The following CRACD variants were observed in gnomAD, a reference collection of about 807,000 sequenced individuals.
CRACD encodes the protein capping protein-inhibiting regulator of actin dynamics.
Under a neutral mutation model 106.8 loss-of-function variants are expected in CRACD, and 56 were observed. The observed-to-expected ratio is 0.52, with a 90% CI of 0.42 to 0.66. CRACD has a LOEUF of 0.66. CRACD is among the 30% of genes least tolerant of loss of function. The pLI, the probability that CRACD is intolerant of heterozygous loss-of-function variation, is 0.00. For missense variants in CRACD, 1,730 were observed against 1,623.2 expected, an observed-to-expected ratio of 1.07 and a Z score of -1.13; for synonymous variants, 754 against 670.8, an observed-to-expected ratio of 1.12 and a Z score of -1.92.
chr4:56,140,637 C>T (rs1378886241), intron 1 of CRACD, among the ~76,000 whole-genome samples: 1 of 152,146 alleles, frequency 6.6e-6, no homozygotes, highest in Non-Finnish European at 1.5e-5. Context: ...AACGTGTATT[C>T]ATAGTCTCAG....
At chr4:56,117,648 A>C (rs1193689691) in intron 1 of CRACD, among the ~76,000 whole-genome samples, 1 of 152,226 alleles carries the variant, frequency 6.6e-6, no homozygotes, top group Non-Finnish European at 1.5e-5. Flanking sequence ...AATACCACTG[A>C]ACTGTACCCT....
At chr4:56,110,719 C>G (rs1577968097) in intron 1 of CRACD, among the ~76,000 whole-genome samples, 1 of 152,078 alleles carries the variant, frequency 6.6e-6, no homozygotes. Flanking sequence ...GCCTCAGCCT[C>G]CCGAGTAGCT....
At chr4:56,176,432 T>TTTC (rs1215909684) in intron 1 of CRACD, among the ~76,000 whole-genome samples, 1 of 15,134 alleles carries the variant, frequency 6.6e-5, no homozygotes, top group Non-Finnish European at 1.7e-4. Context: ...TTCCAATTTC[T>TTTC]TTTTTTTTTT....
At chr4:56,130,894 T>C (rs1705309232) in intron 1 of CRACD, among the ~76,000 whole-genome samples, 1 of 152,140 alleles carries the variant, frequency 6.6e-6, no homozygotes, top group African/African-American at 2.4e-5. Context: ...CCTCTCTCCT[T>C]TTTCCTCTGC....
chr4:56,083,549 G>A (rs1445217599), intron 1 of CRACD, among the ~76,000 whole-genome samples: 1 of 151,652 alleles, frequency 6.6e-6, no homozygotes, highest in Non-Finnish European at 1.5e-5. Flanking sequence ...TAAATTTCTT[G>A]ATGTCATAAA....
At chr4:56,106,658 C>T (rs1733956936) in intron 1 of CRACD, among the ~76,000 whole-genome samples, 1 of 152,194 alleles carries the variant, frequency 6.6e-6, no homozygotes, top group African/African-American at 2.4e-5. Flanking sequence ...CTTATCTGAA[C>T]ACTGTGAGGG....
At chr4:56,297,406 CAT>C (rs1241312269) in intron 3 of CRACD, among the ~76,000 whole-genome samples, 1 of 152,086 alleles carries the variant, frequency 6.6e-6, no homozygotes. Context: ...GCCTGGGTAA[CAT>C]AGCAAGACCC....
At chr4:56,117,017 ATTTTTTTTTTT>A (rs751420774) in intron 1 of CRACD, among the ~76,000 whole-genome samples, 2 of 96,256 alleles carry the variant, frequency 2.1e-5, no homozygotes, top group Non-Finnish European at 4.5e-5. Flanking sequence ...CGAATTTTTA[ATTTTTTTTTTT>A]TTTTTTTTTT....
intron 1 of CRACD, among the ~76,000 whole-genome samples, chr4:56,058,141 C>T (rs1318141855): frequency 1.3e-5 from 2 of 151,904 alleles, no homozygotes; most frequent in African/African-American, 4.8e-5. Context: ...ACCATCTCGG[C>T]TCACTGCAGC....
intron 2 of CRACD, among the ~76,000 whole-genome samples, chr4:56,181,385 G>A (rs1736813925): frequency 6.6e-6 from 1 of 152,120 alleles, no homozygotes; most frequent in Admixed American, 6.6e-5. Flanking sequence ...GAGTGGGAGG[G>A]TTGATCCACA....
intron 1 of CRACD, among the ~76,000 whole-genome samples, chr4:56,058,568 G>A (rs2109783123): frequency 6.6e-6 from 1 of 152,338 alleles, no homozygotes; most frequent in South Asian, 2.1e-4. Context: ...GTTGGCTGGT[G>A]CAAAAGCCAT....
intron 1 of CRACD, among the ~76,000 whole-genome samples, chr4:56,156,861 T>C (rs1577699189): frequency 6.6e-6 from 1 of 152,220 alleles, no homozygotes; most frequent in Non-Finnish European, 1.5e-5. Flanking sequence ...AATTAATATA[T>C]GTAATTATTT....
chr4:56,121,191 C>T (rs1476423025), intron 1 of CRACD, among the ~76,000 whole-genome samples: 3 of 152,068 alleles, frequency 2.0e-5, no homozygotes, highest in African/African-American at 7.2e-5. Flanking sequence ...TTAATTAAAA[C>T]AACAATAAAT....
At chr4:56,251,039 C>T (rs1741024505) in intron 2 of CRACD, among the ~76,000 whole-genome samples, 3 of 152,114 alleles carry the variant, frequency 2.0e-5, no homozygotes, top group Admixed American at 6.5e-5. Context: ...TATGAAGGAG[C>T]GCAATATAGT....
At chr4:56,195,059 C>A (rs765272973) in intron 2 of CRACD, among the ~76,000 whole-genome samples, 72 of 152,140 alleles carry the variant, frequency 4.7e-4, no homozygotes, top group Non-Finnish European at 7.9e-4. Flanking sequence ...TGAGTTTGAT[C>A]TTTTCTACTT....
intron 5 of CRACD, chr4:56,308,899 G>T (rs796834871): frequency 1.6e-6 from 2 of 1,288,836 alleles, no homozygotes; most frequent in Admixed American, 2.3e-5. Context: ...GGGCACTGTG[G>T]CCTGGGGGAT....
chr4:56,270,498 CT>C (rs1288560879), intron 2 of CRACD, among the ~76,000 whole-genome samples: 1 of 152,274 alleles, frequency 6.6e-6, no homozygotes, highest in East Asian at 1.9e-4. Context: ...TCTGGGGCCT[CT>C]GATAGTCAGC....
chr4:56,099,082 GGAACAGGT>G (rs1380920978), intron 1 of CRACD, among the ~76,000 whole-genome samples: 3 of 150,332 alleles, frequency 2.0e-5, no homozygotes, highest in Admixed American at 6.6e-5. Flanking sequence ...CATTCATTGA[GGAACAGGT>G]GACAGTTTAG....
chr4:56,310,797 CCTTT>C, intron 6 of CRACD, 63 bp downstream of exon 6: 1 of 974,368 alleles, frequency 1.0e-6, no homozygotes, highest in Non-Finnish European at 1.6e-6. Flanking sequence ...CTTCCCCCCC[CCTTT>C]TTTTTTTTTG....
Sources: allele counts gnomAD v4.1 joint callset (sites outside exome capture counted in the v4.1 genomes callset), GRCh38; gene constraint gnomAD v4.1.1; transcripts MANE v1.5; gene names NCBI Gene and HGNC (gene_info 2026-07-23, HGNC 2026-07-21).